The following LRP1B variants were observed in gnomAD, a reference collection of about 807,000 sequenced individuals.
LRP1B encodes low-density lipoprotein receptor-related protein 1B.
A neutral mutation model predicts 556.6 loss-of-function variants in LRP1B; 217 were observed. The ratio of observed to expected loss-of-function variants is 0.39; its 90% CI spans 0.35 to 0.44. LRP1B has a LOEUF of 0.44. Ranked by LOEUF, LRP1B falls within the 20% of genes least tolerant of loss-of-function variation. The pLI, the probability that LRP1B is intolerant of heterozygous loss-of-function variation, is 1.00. For missense variants in LRP1B, 5,053 were observed against 5,620.8 expected, an observed-to-expected ratio of 0.90 and a Z score of 3.23; for synonymous variants, 2,047 against 1,865.8, an observed-to-expected ratio of 1.10 and a Z score of -2.50.
intron 1 of LRP1B, among the ~76,000 whole-genome samples, chr2:142,008,937 G>A (rs1011738006): frequency 5.3e-5 from 8 of 152,088 alleles, no homozygotes; most frequent in African/African-American, 1.9e-4. Context: ...CTTCATCACA[G>A]TTCAGTGATT....
At chr2:141,882,729 G>T (rs1698993279) in intron 1 of LRP1B, among the ~76,000 whole-genome samples, 1 of 152,240 alleles carries the variant, frequency 6.6e-6, no homozygotes, top group South Asian at 2.1e-4. Flanking sequence ...GAACATAATA[G>T]TTAGGTCTTG....
chr2:141,999,242 C>A (rs1178741643), intron 1 of LRP1B, among the ~76,000 whole-genome samples: 1 of 152,014 alleles, frequency 6.6e-6, no homozygotes, highest in African/African-American at 2.4e-5. Context: ...ATGTCCGACC[C>A]TCCCCTCCCC....
At chr2:140,965,072 A>T (rs2105320455) in intron 18 of LRP1B, among the ~76,000 whole-genome samples, 1 of 152,312 alleles carries the variant, frequency 6.6e-6, no homozygotes, top group African/African-American at 2.4e-5. Flanking sequence ...GCACATGAGA[A>T]TCACGTGAAC....
At chr2:140,878,657 T>A (rs1429803267) in intron 25 of LRP1B, among the ~76,000 whole-genome samples, 1 of 152,064 alleles carries the variant, frequency 6.6e-6, no homozygotes, top group Non-Finnish European at 1.5e-5. Context: ...ATAGCATCAA[T>A]CTAATTTGTA....
At chr2:141,138,743 G>A (rs572307726) in intron 7 of LRP1B, among the ~76,000 whole-genome samples, 1 of 151,914 alleles carries the variant, frequency 6.6e-6, no homozygotes, top group Non-Finnish European at 1.5e-5. Context: ...ATGAAAGATA[G>A]GCCTTGTTTA....
At chr2:141,417,724 C>T (rs1201989299) in intron 3 of LRP1B, among the ~76,000 whole-genome samples, 2 of 149,504 alleles carry the variant, frequency 1.3e-5, no homozygotes, top group East Asian at 2.0e-4. Flanking sequence ...GAAGAAGTAC[C>T]CAAAGAAGTA....
In LRP1B at chr2:140,516,283, C is replaced by T. The variant is rs1030272787; in HGVS notation, c.8149+606G>A. Among the ~76,000 whole-genome samples, 5 of 151,752 alleles carry T rather than the reference C, an allele frequency of 3.3e-5. No homozygotes were observed. In the East Asian group the frequency reaches 9.6e-4, roughly 29 times the overall value. The stretch of plus-strand genomic sequence containing the variant: ...AAAATAAGATTAAATAATAACAATA[C>T]AAGAATAAAATATAATACAAATAAA... On this transcript the variant is annotated intron_variant, in intron 50 of 90. Coordinates refer to ENST00000389484, the MANE Select transcript of LRP1B (RefSeq NM_018557.3).
intron 2 of LRP1B, among the ~76,000 whole-genome samples, chr2:141,734,732 AG>A (rs1693402522): frequency 6.6e-6 from 1 of 152,100 alleles, no homozygotes; most frequent in Non-Finnish European, 1.5e-5. Context: ...TTGGATGATA[AG>A]AAGTGCTGCA....
At chr2:141,750,711 T>G (rs1197686680) in intron 2 of LRP1B, among the ~76,000 whole-genome samples, 1 of 152,154 alleles carries the variant, frequency 6.6e-6, no homozygotes, top group Non-Finnish European at 1.5e-5. Flanking sequence ...AGTGAAGCTT[T>G]TAAAATTATG....
At chr2:141,948,433 C>G (rs1039414208) in intron 1 of LRP1B, among the ~76,000 whole-genome samples, 1 of 151,204 alleles carries the variant, frequency 6.6e-6, no homozygotes. Flanking sequence ...TATTTTTGAC[C>G]CAGTAACATT....
At chr2:140,349,210 A>G (rs1681844502) in intron 77 of LRP1B, among the ~76,000 whole-genome samples, 1 of 152,060 alleles carries the variant, frequency 6.6e-6, no homozygotes, top group South Asian at 2.1e-4. Context: ...CTAAAGGACA[A>G]TCAATTTCCC....
At chr2:140,526,928 A>G (rs1690463644) in intron 47 of LRP1B, among the ~76,000 whole-genome samples, 1 of 151,762 alleles carries the variant, frequency 6.6e-6, no homozygotes, top group South Asian at 2.1e-4. Context: ...TCTCAGAGGG[A>G]ACAGCTTACC....
chr2:141,889,735 T>G (rs942683953), intron 1 of LRP1B, among the ~76,000 whole-genome samples: 3 of 152,116 alleles, frequency 2.0e-5, no homozygotes, highest in Admixed American at 2.0e-4. Flanking sequence ...CAAACTTAAA[T>G]TACTCTAGCC....
chr2:140,848,663 C>T (rs1403706138), intron 29 of LRP1B, among the ~76,000 whole-genome samples: 2 of 152,164 alleles, frequency 1.3e-5, no homozygotes, highest in African/African-American at 4.8e-5. Context: ...TTACTCTTTT[C>T]TCCATTCCCC....
chr2:141,796,567 A>G (rs558368425), intron 2 of LRP1B, among the ~76,000 whole-genome samples: 1 of 144,674 alleles, frequency 6.9e-6, no homozygotes, highest in Admixed American at 7.0e-5. Flanking sequence ...ACATAGAGAT[A>G]GCATTTTATT....
chr2:141,719,990 T>A (rs1181380767), intron 2 of LRP1B, among the ~76,000 whole-genome samples: 1 of 152,086 alleles, frequency 6.6e-6, no homozygotes, highest in Admixed American at 6.6e-5. Context: ...TATCCTTGCA[T>A]CTAAAATAAA....
chr2:140,808,234 G>A (rs1690794138), intron 32 of LRP1B, among the ~76,000 whole-genome samples: 1 of 53,758 alleles, frequency 1.9e-5, no homozygotes, highest in Non-Finnish European at 6.0e-5. Context: ...TGGAGAATAG[G>A]AGAAGCACAG....
chr2:141,351,950 C>T (rs183510465), intron 3 of LRP1B, among the ~76,000 whole-genome samples: 470 of 151,906 alleles, frequency 3.1e-3, no homozygotes, highest in Non-Finnish European at 5.2e-3. Flanking sequence ...AAAACAAAAA[C>T]ATCCTAGAGA....
chr2:140,494,853 A>G (rs1688849820), intron 56 of LRP1B, among the ~76,000 whole-genome samples: 1 of 152,136 alleles, frequency 6.6e-6, no homozygotes, highest in African/African-American at 2.4e-5. Flanking sequence ...TCTATTATAT[A>G]AGAAACTGGC....
Sources: allele counts gnomAD v4.1 joint callset (sites outside exome capture counted in the v4.1 genomes callset), GRCh38; gene constraint gnomAD v4.1.1; transcripts MANE v1.5; gene names NCBI Gene and HGNC (gene_info 2026-07-23, HGNC 2026-07-21).